NHLRC2: variants seen among roughly 807,000 people sequenced by gnomAD.
NHLRC2 encodes NHL repeat-containing protein 2.
Under a neutral mutation model 68.1 loss-of-function variants are expected in NHLRC2, and 33 were observed. The ratio of observed to expected loss-of-function variants is 0.48; its 90% CI spans 0.37 to 0.65. The LOEUF (loss-of-function observed/expected upper bound fraction) is 0.65. Ranked by LOEUF, NHLRC2 falls within the 30% of genes least tolerant of loss-of-function variation. The pLI is 0.00. For missense variants in NHLRC2, 761 were observed against 853.8 expected (o/e 0.89, Z 1.35); for synonymous variants, 311 against 309.6 (o/e 1.00, Z -0.05).
At chr10:113,872,260 G>A (rs1260035373) in intron 2 of NHLRC2, among the ~76,000 whole-genome samples, 2 of 152,038 alleles carry the variant, frequency 1.3e-5, no homozygotes, top group African/African-American at 4.8e-5. Flanking sequence ...AGGTTCTAAT[G>A]GAAACAAAAG....
At chr10:113,904,104 T>G (rs543690463) in intron 9 of NHLRC2, among the ~76,000 whole-genome samples, 49 of 151,468 alleles carry the variant, frequency 3.2e-4, no homozygotes, top group South Asian at 6.2e-4. Context: ...TTTTGTTTTT[T>G]TTTTTTTTTC....
chr10:113,866,739 T>C (rs1478910478), intron 2 of NHLRC2, among the ~76,000 whole-genome samples: 1 of 151,714 alleles, frequency 6.6e-6, no homozygotes, highest in African/African-American at 2.4e-5. Flanking sequence ...CCTGCCCGCC[T>C]CCCCGCCTCC....
rs1435413462 is a variant in NHLRC2 at position 113,858,862 on chromosome 10, G to A, written c.331+182G>A. ...TCATAAAGGATTAAGCTTAGTGATA[G>A]TGGTTTGCCTATCTAAAGAACCAGC... On this transcript the variant is annotated intron_variant, in intron 2 of 10. Transcript: ENST00000369301. 11 of 418,388 alleles carry A rather than the reference G, an allele frequency of 2.6e-5. No individual in the cohort carries two copies. The South Asian group carries it at 5.2e-4, about 20-fold the overall frequency. The allele number at this position is 418,388 out of a possible 1,614,324, so 25.9% of individuals were successfully genotyped here. A position where few individuals can be genotyped will look rare whatever the true frequency, so the allele number is the denominator to read the frequency against.
chr10:113,876,854 C>T lies in NHLRC2; in HGVS notation c.665C>T (p.Pro222Leu). Reference sequence around the variant, plus strand: ...TATAAAGATTCTTTGCCACCTTCACCATTGCTATTTCCTGGCAAAGTAACA... The same window carrying T: ...TATAAAGATTCTTTGCCACCTTCACTATTGCTATTTCCTGGCAAAGTAACA... ...KLYKDSLPPS[P>L]LLFPGKVTVD... The change falls in exon 3 of 11, where the codon CCA becomes CTA. Residue 222 changes from proline to leucine, a missense_variant. Physicochemically the swap from Pro to Leu is moderately conservative, Grantham distance 98. Coordinates refer to ENST00000369301, the MANE Select transcript of NHLRC2 (RefSeq NM_198514.4). The T allele has an allele frequency of 6.2e-7, 1 of 1,612,174 alleles. No homozygotes were observed.
rs76632515 is a variant in NHLRC2 at position 113,873,880 on chromosome 10, C to G, written c.332-2641C>G. Among the ~76,000 whole-genome samples the G allele has an allele frequency of 2.2e-3, 330 of 152,282 alleles. 3 individuals carry two copies. The highest frequency in any genetic ancestry group is 7.1e-3 in the African/African-American group (294 of 41,558). On this transcript the variant is annotated intron_variant, in intron 2 of 10. Coordinates refer to ENST00000369301, the MANE Select transcript of NHLRC2 (RefSeq NM_198514.4). ...ATTCTTATTGCTTTCATTTGCCTTG[C>G]ATATCTTTTTCTACCCCTTTACTTT... is the stretch of plus-strand genomic sequence containing the variant.
At chr10:113,891,589 T>C (rs1846132023) in intron 5 of NHLRC2, among the ~76,000 whole-genome samples, 1 of 152,168 alleles carries the variant, frequency 6.6e-6, no homozygotes, top group Admixed American at 6.5e-5. Context: ...GTTGTTGCCT[T>C]CTGATTTTGC....
chr10:113,855,489 A>G (rs1429598192), intron 1 of NHLRC2, among the ~76,000 whole-genome samples: 1 of 150,690 alleles, frequency 6.6e-6, no homozygotes, highest in Non-Finnish European at 1.5e-5. Context: ...TTTTTTTGAT[A>G]CGGAGTCTCG....
chr10:113,893,535 C>G (rs535397910), intron 5 of NHLRC2, among the ~76,000 whole-genome samples: 1 of 152,196 alleles, frequency 6.6e-6, no homozygotes, highest in Non-Finnish European at 1.5e-5. Flanking sequence ...AGAAAGTGAC[C>G]TGGGTGATGA....
chr10:113,855,319 A>G (rs957748983), intron 1 of NHLRC2, among the ~76,000 whole-genome samples: 1 of 152,020 alleles, frequency 6.6e-6, no homozygotes, highest in Non-Finnish European at 1.5e-5. Context: ...CCAAGTGGAC[A>G]CTCCGTGAAT....
At chr10:113,888,180 G>C (rs1019342242) in intron 5 of NHLRC2, among the ~76,000 whole-genome samples, 15 of 152,206 alleles carry the variant, frequency 9.9e-5, no homozygotes, top group Admixed American at 7.9e-4. Context: ...ATGGGGAAAG[G>C]GAAGAGGTTG....
intron 2 of NHLRC2, among the ~76,000 whole-genome samples, chr10:113,863,966 C>G (rs1479594648): frequency 6.6e-6 from 1 of 152,060 alleles, no homozygotes; most frequent in Non-Finnish European, 1.5e-5. Context: ...TCTCAATAGC[C>G]AAGATTTAGA....
At position 113,862,008 on chromosome 10, in the gene NHLRC2, G is replaced by A. The variant is rs767992139; in HGVS notation, c.331+3328G>A. On this transcript the variant is annotated intron_variant, in intron 2 of 10. Transcript: ENST00000369301. The stretch of plus-strand genomic sequence containing the variant: ...CTGCCTCAGCCTCCCAAGTAGCTGG[G>A]ATTACAGGTGCCTGCGACCACGCCC... Among the ~76,000 whole-genome samples, 3 of 152,076 alleles carry A rather than the reference G, an allele frequency of 2.0e-5. No homozygotes were observed. The East Asian group carries it at 5.8e-4, about 30-fold the overall frequency.
chr10:113,908,537 C>A lies in NHLRC2; in HGVS notation c.*1C>A, dbSNP rs1846295485. ...AGTAGAGCTCAGGTATGTATTTTAG[C>A]CAGCCAGCTAGCTAGCAACCCATTG... On this transcript the variant is annotated 3_prime_UTR_variant, in exon 11 of 11. Transcript: ENST00000369301. 1 of 1,613,614 alleles carries A rather than the reference C, an allele frequency of 6.2e-7. No individual in the cohort carries two copies. Among genetic ancestry groups the A allele is most frequent in the African/African-American group, 1.3e-5 (1 of 74,912 alleles).
chr10:113,882,963 A>G (rs561209045), intron 4 of NHLRC2, among the ~76,000 whole-genome samples: 1 of 151,932 alleles, frequency 6.6e-6, no homozygotes, highest in Admixed American at 6.6e-5. Context: ...TCTCCCTTGA[A>G]TAGCTGTAGC....
At chr10:113,902,999 T>C (rs186817318) in intron 8 of NHLRC2, among the ~76,000 whole-genome samples, 7 of 152,390 alleles carry the variant, frequency 4.6e-5, no homozygotes, top group African/African-American at 1.4e-4. Flanking sequence ...CATTTTTGTC[T>C]ATTAAATTGT....
At chr10:113,866,703 CTT>C (rs1426247872) in intron 2 of NHLRC2, among the ~76,000 whole-genome samples, 1 of 151,730 alleles carries the variant, frequency 6.6e-6, no homozygotes, top group Non-Finnish European at 1.5e-5. Context: ...TATAATTTCA[CTT>C]TGTGTCATTG....
chr10:113,865,440 CT>C (rs1564850762), intron 2 of NHLRC2, among the ~76,000 whole-genome samples: 1 of 151,788 alleles, frequency 6.6e-6, no homozygotes, highest in South Asian at 2.1e-4. Flanking sequence ...GAATATATTT[CT>C]TTTTTAGATT....
At chr10:113,861,939 C>G (rs1845819991) in intron 2 of NHLRC2, among the ~76,000 whole-genome samples, 1 of 151,804 alleles carries the variant, frequency 6.6e-6, no homozygotes, top group Non-Finnish European at 1.5e-5. Context: ...AGTGGCGCAT[C>G]TCGGCCTACT....
intron 2 of NHLRC2, among the ~76,000 whole-genome samples, chr10:113,873,387 A>G (rs533085519): frequency 2.6e-5 from 4 of 152,262 alleles, no homozygotes; most frequent in Admixed American, 2.6e-4. Flanking sequence ...GTTTTGGTAT[A>G]TTAGTCATAG....
Sources: gnomAD v4.1 joint callset for allele counts (sites outside exome capture counted in the v4.1 genomes callset) on GRCh38, gnomAD v4.1.1 for gene constraint, MANE v1.5 for transcripts, NCBI Gene and HGNC (gene_info 2026-07-23, HGNC 2026-07-21) for gene names.